VPS13D: variants seen among roughly 807,000 people sequenced by gnomAD.
VPS13D encodes vacuolar protein sorting 13 homolog D.
In VPS13D, 187 loss-of-function variants were observed where a neutral mutation model predicts 461.9. The ratio of observed to expected loss-of-function variants is 0.40; its 90% CI spans 0.36 to 0.46. The LOEUF is 0.46. VPS13D is among the 20% of genes least tolerant of loss of function. VPS13D has a pLI of 0.60. For synonymous variants in VPS13D, 1,951 were observed against 1,986.3 expected (o/e 0.98, Z 0.47); for missense variants, 4,711 against 5,364.9 (o/e 0.88, Z 3.81).
chr1:12,309,990 A>T (rs1234987287), intron 27 of VPS13D, among the ~76,000 whole-genome samples: 1 of 151,954 alleles, frequency 6.6e-6, no homozygotes, highest in Non-Finnish European at 1.5e-5. Context: ...GTGTTCAGTT[A>T]TGGTTGGCAT....
chr1:12,433,716 TGGGAGGAAGA>T (rs1645022510), intron 65 of VPS13D, among the ~76,000 whole-genome samples: 2 of 152,030 alleles, frequency 1.3e-5, no homozygotes, highest in Non-Finnish European at 2.9e-5. Flanking sequence ...CCGGGAGGGC[TGGGAGGAAGA>T]TACCAAACTC....
rs1280339382 is a variant in VPS13D, at chr1:12,279,069, A to G, written c.4451-430A>G. 1.3e-5 allele frequency among the ~76,000 whole-genome samples: 2 copies of G among 152,210 alleles called. No individual in the cohort carries two copies. The highest frequency in any genetic ancestry group is 2.9e-5 in the Non-Finnish European group (2 of 68,032). On this transcript the variant is annotated intron_variant, in intron 19 of 69. Transcript: ENST00000620676. This position sits in a 1 kb window ranked among gnomAD's most constrained non-coding sequence, Gnocchi z 4.3. ...CTGCTTGGATAAAAGTTGTTTACTT[A>G]GAACTTGTATTGTCCTAGATTCTGA...
At chr1:12,310,723 A>G (rs1642712463) in intron 27 of VPS13D, among the ~76,000 whole-genome samples, 1 of 152,122 alleles carries the variant, frequency 6.6e-6, no homozygotes, top group Non-Finnish European at 1.5e-5. Context: ...TTAATAGATT[A>G]GTTACCTCAT....
intron 65 of VPS13D, among the ~76,000 whole-genome samples, chr1:12,426,018 C>T (rs1644920948): frequency 6.6e-6 from 1 of 152,186 alleles, no homozygotes; most frequent in African/African-American, 2.4e-5. Flanking sequence ...CTGTGTTGGG[C>T]CTTGGAATTT....
At chr1:12,459,768 C>T (rs773887690) in intron 66 of VPS13D, among the ~76,000 whole-genome samples, 16 of 152,058 alleles carry the variant, frequency 1.1e-4, no homozygotes, top group African/African-American at 3.6e-4. Context: ...TGAGCCACTG[C>T]GCCCAGCCTC....
chr1:12,471,844 T>C (rs1227476868), intron 67 of VPS13D, among the ~76,000 whole-genome samples: 1 of 152,216 alleles, frequency 6.6e-6, no homozygotes, highest in African/African-American at 2.4e-5. Flanking sequence ...TGCACATTCG[T>C]AATTTATTCT....
chr1:12,417,946 G>T (rs574478128), intron 65 of VPS13D, among the ~76,000 whole-genome samples: 3 of 151,620 alleles, frequency 2.0e-5, no homozygotes, highest in African/African-American at 7.3e-5. Flanking sequence ...TTGGTCTGTC[G>T]CCCAGACTGG....
intron 63 of VPS13D, among the ~76,000 whole-genome samples, chr1:12,404,842 C>A (rs970227481): frequency 2.0e-5 from 3 of 152,072 alleles, no homozygotes; most frequent in African/African-American, 7.2e-5. Flanking sequence ...GAAAGTCTTT[C>A]CTTAGTTTGA....
At chr1:12,261,200 T>A in intron 12 of VPS13D, 51 bp downstream of exon 12, 1 of 1,594,518 alleles carries the variant, frequency 6.3e-7, no homozygotes, top group Non-Finnish European at 8.6e-7. Context: ...GTCTGTTATT[T>A]GTGCAACAGC....
chr1:12,382,020 C>T (rs1426689191), intron 57 of VPS13D, among the ~76,000 whole-genome samples: 1 of 142,588 alleles, frequency 7.0e-6, no homozygotes, highest in Non-Finnish European at 1.5e-5. Flanking sequence ...TTCCTTCCTT[C>T]CTTCCTTTCT....
At chr1:12,478,489 C>T (rs1450892878) in intron 67 of VPS13D, 1 of 246,878 alleles carries the variant, frequency 4.1e-6, no homozygotes, top group Non-Finnish European at 8.2e-6. Context: ...GTACTGCCGC[C>T]AATGAGTGCA....
intron 27 of VPS13D, among the ~76,000 whole-genome samples, chr1:12,309,582 C>A (rs1283045939): frequency 2.7e-5 from 4 of 150,706 alleles, no homozygotes; most frequent in African/African-American, 7.3e-5. Context: ...CATGGTGAAA[C>A]CCCGTCTCTA....
chr1:12,416,814 A>G lies in VPS13D; in HGVS notation c.12320A>G (p.Asn4107Ser). 1 of 1,612,010 alleles carries G rather than the reference A, an allele frequency of 6.2e-7. No individual in the cohort carries two copies. Residue 4107 changes from asparagine (N) to serine (S), a missense_variant, in exon 65 of 70, where the codon AAC (asparagine) becomes AGC (serine). This residue lies in a region of VPS13D where 106 missense variants were observed against 206.2 expected (regional missense o/e 0.51). Coordinates refer to ENST00000620676, the MANE Select transcript of VPS13D (RefSeq NM_015378.4). ...LIRNVTHGVS[N>S]SAAKFAGTLS... The stretch of plus-strand genomic sequence containing the variant: ...AGAAATGTTACACACGGAGTATCAA[A>G]CTCTGCTGCCAAGGTAAGGAAATAG...
intron 39 of VPS13D, chr1:12,336,459 TG>T (rs1231761632): frequency 1.3e-5 from 2 of 152,230 alleles, no homozygotes; most frequent in Non-Finnish European, 2.9e-5. Context: ...GACAACTGCA[TG>T]GTCTTAGTTG....
In VPS13D at chr1:12,378,415, A is replaced by G. The variant is rs1158945475; in HGVS notation, c.10918-13A>G. On this transcript the variant is annotated splice_polypyrimidine_tract_variant and intron_variant, in intron 55 of 69. Transcript: ENST00000620676. ...AATGGCTCTTTCTCTTTTTGCTTGT[A>G]CCTACTTAACAGGAACCAGGAAAGC... 1.9e-6 allele frequency: 3 copies of G among 1,582,622 alleles called. No homozygotes were observed. The highest frequency in any genetic ancestry group is 2.6e-6 in the Non-Finnish European group (3 of 1,165,412).
intron 68 of VPS13D, among the ~76,000 whole-genome samples, chr1:12,498,794 C>CA (rs1217996844): frequency 3.3e-5 from 5 of 152,174 alleles, no homozygotes; most frequent in African/African-American, 4.8e-5. Context: ...ACTGTGTCCC[C>CA]ACATTGCAGA....
rs963410647 is a variant in VPS13D, at chr1:12,334,343, TACTC to T, written c.8428+980_8428+983del. ...CTACATTGTTTCTCACAACATCTCT[TACTC>T]ACAACATCTCTTACTCTAGAAGGTT... is the stretch of plus-strand genomic sequence containing the variant. On this transcript the variant is annotated intron_variant, in intron 38 of 69. Transcript: ENST00000620676. 4.1e-4 allele frequency among the ~76,000 whole-genome samples: 61 copies of T among 148,294 alleles called. 1 individual carries two copies. Among genetic ancestry groups the T allele is most frequent in the Admixed American group, 4.0e-3 (61 of 15,178 alleles).
At chr1:12,284,507 G>A (rs983983419) in intron 21 of VPS13D, among the ~76,000 whole-genome samples, 1 of 152,174 alleles carries the variant, frequency 6.6e-6, no homozygotes, top group African/African-American at 2.4e-5. Context: ...TGAGTTTAAG[G>A]CTATTCTGCT....
chr1:12,369,386 A>C, intron 53 of VPS13D, 81 bp from the exon 54 acceptor site: 1 of 1,282,368 alleles, frequency 7.8e-7, no homozygotes, highest in South Asian at 1.3e-5. Flanking sequence ...TTTGGAACTT[A>C]AACCTACAAA....
Sources: gnomAD v4.1 joint callset for allele counts (sites outside exome capture counted in the v4.1 genomes callset) on GRCh38, gnomAD v4.1.1 for gene constraint, gnomAD v4.1.1 regional missense constraint, Gnocchi (gnomAD v3.1) non-coding constraint, MANE v1.5 for transcripts, NCBI Gene and HGNC (gene_info 2026-07-23, HGNC 2026-07-21) for gene names.